Variants in PCDH15 observed in about 807,000 individuals in gnomAD.
The protein encoded by PCDH15 is protocadherin related 15.
In PCDH15, 129 loss-of-function variants were observed where a neutral mutation model predicts 178.5. The observed-to-expected ratio is 0.72, with a 90% CI of 0.63 to 0.84. The LOEUF (loss-of-function observed/expected upper bound fraction) is 0.84. PCDH15 is among the 40% of genes least tolerant of loss of function. The probability of loss-of-function intolerance (pLI) is 0.00; values close to 1 mark genes in which losing one functional copy is unlikely to be tolerated. For missense variants in PCDH15, 2,230 were observed against 2,099.9 expected (o/e 1.06, Z -1.21); for synonymous variants, 800 against 732.0 (o/e 1.09, Z -1.50).
intron 2 of PCDH15, among the ~76,000 whole-genome samples, chr10:54,590,573 A>G (rs547867843): frequency 1.3e-5 from 2 of 152,328 alleles, no homozygotes; most frequent in Non-Finnish European, 2.9e-5. Flanking sequence ...CCTCAAGAAC[A>G]TTAGTGAGAT....
intron 20 of PCDH15, among the ~76,000 whole-genome samples, chr10:54,004,315 A>G (rs2092301028): frequency 6.6e-6 from 1 of 151,786 alleles, no homozygotes; most frequent in Non-Finnish European, 1.5e-5. Context: ...CAAAATAATG[A>G]TCATCTAAAT....
At chr10:54,104,420 T>G (rs976759654) in intron 15 of PCDH15, among the ~76,000 whole-genome samples, 15 of 152,146 alleles carry the variant, frequency 9.9e-5, no homozygotes, top group Admixed American at 3.3e-4. Context: ...GCCACTAGCA[T>G]GATAAGAGTT....
At chr10:55,341,641 C>T (rs1844560203) in intron 2 of PCDH15, among the ~76,000 whole-genome samples, 1 of 147,934 alleles carries the variant, frequency 6.8e-6, no homozygotes, top group Non-Finnish European at 1.5e-5. Flanking sequence ...GCGATCTTGG[C>T]TTACTCCAAC....
At chr10:53,854,219 A>G (rs1351170800) in intron 28 of PCDH15, among the ~76,000 whole-genome samples, 1 of 152,020 alleles carries the variant, frequency 6.6e-6, no homozygotes, top group Non-Finnish European at 1.5e-5. Context: ...TAAAATTTAT[A>G]CATGTAGGAA....
At chr10:54,183,334 TAA>T (rs1341604265) in intron 13 of PCDH15, 108 bp downstream of exon 13, 1 of 1,078,426 alleles carries the variant, frequency 9.3e-7, no homozygotes, top group African/African-American at 1.6e-5. Context: ...TGCTATACAA[TAA>T]GTGTGAAATC....
In PCDH15 at chr10:54,198,495, C is replaced by CTTT. The variant is rs1186240206; in HGVS notation, c.1099-2609_1099-2607dup. ...CATCTTTCTTTAATATCTAATTATT[C>CTTT]TTTTTTTTTTTTTTTTTTTTTTTTG... On this transcript the variant is annotated intron_variant, in intron 10 of 37. Coordinates refer to ENST00000644397, the MANE Select transcript of PCDH15 (RefSeq NM_001384140.1). Among the ~76,000 whole-genome samples the CTTT allele has an allele frequency of 5.4e-3, 167 of 31,152 alleles. 59 individuals carry two copies. Among genetic ancestry groups the CTTT allele is most frequent in the African/African-American group, 0.04 (135 of 3,360 alleles). 20.4% of individuals were successfully genotyped at this position (31,152 alleles called of 152,430 possible).
chr10:55,352,632 C>T (rs1351594847), intron 2 of PCDH15, among the ~76,000 whole-genome samples: 1 of 152,060 alleles, frequency 6.6e-6, no homozygotes, highest in African/African-American at 2.4e-5. Flanking sequence ...AAGTTGTTGC[C>T]TCATGAGCTG....
At chr10:55,167,020 T>C (rs574685857) in intron 1 of PCDH15, among the ~76,000 whole-genome samples, 2 of 152,300 alleles carry the variant, frequency 1.3e-5, no homozygotes, top group East Asian at 1.9e-4. Flanking sequence ...TAAATGACAC[T>C]TCAAATATAT....
At chr10:54,161,896 C>T (rs1388475293) in intron 13 of PCDH15, among the ~76,000 whole-genome samples, 2 of 152,080 alleles carry the variant, frequency 1.3e-5, no homozygotes, top group African/African-American at 4.8e-5. Context: ...TTCTCCTCAG[C>T]TGCAGCACCT....
intron 2 of PCDH15, among the ~76,000 whole-genome samples, chr10:55,114,016 T>G (rs902796709): frequency 1.3e-5 from 2 of 152,210 alleles, no homozygotes; most frequent in Non-Finnish European, 2.9e-5. Context: ...TGGCACGATC[T>G]CGGCTCACTG....
At chr10:55,172,980 G>A (rs1839380206) in intron 1 of PCDH15, among the ~76,000 whole-genome samples, 1 of 151,976 alleles carries the variant, frequency 6.6e-6, no homozygotes. Flanking sequence ...ATTTAAGCAA[G>A]TCAGCTGAAT....
At chr10:53,821,855 A>C in intron 32 of PCDH15, 2 of 1,612,616 alleles carry the variant, frequency 1.2e-6, no homozygotes, top group Non-Finnish European at 1.7e-6. Context: ...AAGAAAAGCA[A>C]CATTACAGTG....
At chr10:54,930,297 C>A (rs539570121) in intron 2 of PCDH15, among the ~76,000 whole-genome samples, 11 of 152,270 alleles carry the variant, frequency 7.2e-5, no homozygotes, top group Non-Finnish European at 1.6e-4. Flanking sequence ...AAATCAGACA[C>A]CACCTCCTCA....
chr10:54,327,700 T>C (rs7901023), intron 7 of PCDH15, among the ~76,000 whole-genome samples: 31,137 of 151,798 alleles, frequency 0.21, 3,250 homozygotes, highest in Admixed American at 0.23. Context: ...GAACAGCTAA[T>C]TGAGGTTATT....
At chr10:53,861,852 T>C (rs2079126793) in intron 27 of PCDH15, among the ~76,000 whole-genome samples, 1 of 152,026 alleles carries the variant, frequency 6.6e-6, no homozygotes. Context: ...ATATTCATCA[T>C]CTCCTGCTTG....
chr10:54,648,612 G>A (rs1341762076), intron 2 of PCDH15, among the ~76,000 whole-genome samples: 1 of 152,104 alleles, frequency 6.6e-6, no homozygotes, highest in African/African-American at 2.4e-5. Flanking sequence ...AAAATACAAT[G>A]TGTGTGGATG....
intron 1 of PCDH15, among the ~76,000 whole-genome samples, chr10:54,779,561 G>C (rs1410834870): frequency 1.0e-5 from 1 of 97,608 alleles, no homozygotes; most frequent in African/African-American, 3.8e-5. Flanking sequence ...TCCCCTTTCT[G>C]TTCAATACAG....
chr10:55,538,196 T>C (rs1841627647), intron 2 of PCDH15, among the ~76,000 whole-genome samples: 1 of 152,190 alleles, frequency 6.6e-6, no homozygotes, highest in Admixed American at 6.5e-5. Flanking sequence ...GTCAGAAACT[T>C]CTAAGTTAAG....
chr10:54,791,111 ATTAT>A (rs1335029551), intron 1 of PCDH15, among the ~76,000 whole-genome samples: 1 of 151,926 alleles, frequency 6.6e-6, no homozygotes, highest in Non-Finnish European at 1.5e-5. Flanking sequence ...GAAACCAGTA[ATTAT>A]TTATCAGTTC....
Sources: gnomAD v4.1 joint callset for allele counts (sites outside exome capture counted in the v4.1 genomes callset) on GRCh38, gnomAD v4.1.1 for gene constraint, MANE v1.5 for transcripts, NCBI Gene and HGNC (gene_info 2026-07-23, HGNC 2026-07-21) for gene names.